The following PLEKHG1 variants were observed in gnomAD, a reference collection of about 807,000 sequenced individuals.
PLEKHG1 encodes pleckstrin homology domain-containing family G member 1.
PLEKHG1 carries 44 observed loss-of-function variants against 100.8 expected under a neutral mutation model. That is an observed-to-expected ratio of 0.44 (90% CI 0.34 to 0.56). PLEKHG1 has a LOEUF of 0.56. PLEKHG1 is among the 20% of genes least tolerant of loss of function. The pLI, the probability that PLEKHG1 is intolerant of heterozygous loss-of-function variation, is 0.01. For missense variants in PLEKHG1, 1,545 were observed against 1,720.9 expected (o/e 0.90, Z 1.81); for synonymous variants, 640 against 662.5 (o/e 0.97, Z 0.52).
chr6:150,685,120 A>G (rs1405647651), intron 3 of PLEKHG1, among the ~76,000 whole-genome samples: 1 of 152,020 alleles, frequency 6.6e-6, no homozygotes, highest in Non-Finnish European at 1.5e-5. Context: ...CCAATGAGTG[A>G]CACTGGGCCG....
intron 15 of PLEKHG1, among the ~76,000 whole-genome samples, chr6:150,832,499 C>T (rs985149794): frequency 2.0e-4 from 30 of 151,970 alleles, no homozygotes; most frequent in African/African-American, 7.0e-4. Context: ...GTATGAAAAA[C>T]GCAATCAGTT....
At chr6:150,833,227 T>C (rs1777052754) in intron 15 of PLEKHG1, among the ~76,000 whole-genome samples, 1 of 150,732 alleles carries the variant, frequency 6.6e-6, no homozygotes. Context: ...GTGTGTGTGG[T>C]TTTTTTGTAG....
chr6:150,793,445 C>G (rs1049727037), intron 4 of PLEKHG1, among the ~76,000 whole-genome samples: 1 of 152,156 alleles, frequency 6.6e-6, no homozygotes, highest in Admixed American at 6.5e-5. Context: ...CTTTCCCATA[C>G]AAATCATAAA....
At chr6:150,752,485 T>C (rs944980618) in intron 2 of PLEKHG1, among the ~76,000 whole-genome samples, 2 of 152,168 alleles carry the variant, frequency 1.3e-5, no homozygotes, top group African/African-American at 4.8e-5. Context: ...CCAGTCTACT[T>C]TCTGTCTCTC....
chr6:150,669,639 C>T (rs1325917536), intron 3 of PLEKHG1, among the ~76,000 whole-genome samples: 1 of 148,920 alleles, frequency 6.7e-6, no homozygotes, highest in African/African-American at 2.5e-5. Context: ...TCTTGTTGCC[C>T]AGGCTGGAGT....
chr6:150,753,779 G>T, intron 2 of PLEKHG1, among the ~76,000 whole-genome samples: 1 of 152,200 alleles, frequency 6.6e-6, no homozygotes, highest in East Asian at 1.9e-4. Flanking sequence ...TCAAGAGGTG[G>T]TGTTGTAAAA....
intron 3 of PLEKHG1, among the ~76,000 whole-genome samples, chr6:150,681,553 C>G (rs1334576855): frequency 6.6e-6 from 1 of 151,004 alleles, no homozygotes; most frequent in African/African-American, 2.4e-5. Flanking sequence ...TTTTATTTCC[C>G]TTCTTAAAAA....
intron 1 of PLEKHG1, among the ~76,000 whole-genome samples, chr6:150,610,814 G>A (rs1195276467): frequency 6.6e-6 from 1 of 152,246 alleles, no homozygotes; most frequent in Non-Finnish European, 1.5e-5. Context: ...GTGGGGCTCT[G>A]TAATATGTAT....
At chr6:150,827,176 T>G (rs1776656801) in intron 14 of PLEKHG1, among the ~76,000 whole-genome samples, 1 of 152,078 alleles carries the variant, frequency 6.6e-6, no homozygotes, top group Non-Finnish European at 1.5e-5. Flanking sequence ...ATTACAGACA[T>G]AAGCCACCGT....
At chr6:150,653,229 T>C (rs1301561877) in intron 3 of PLEKHG1, among the ~76,000 whole-genome samples, 1 of 152,162 alleles carries the variant, frequency 6.6e-6, no homozygotes, top group African/African-American at 2.4e-5. Flanking sequence ...AAAATGAACA[T>C]AGTAATAAGG....
chr6:150,838,429 C>T (rs1777344098), intron 15 of PLEKHG1, among the ~76,000 whole-genome samples: 1 of 152,188 alleles, frequency 6.6e-6, no homozygotes, highest in Admixed American at 6.5e-5. Context: ...AAAAGCTCAT[C>T]AGCTATCACT....
chr6:150,636,715 G>A (rs1395442910), intron 1 of PLEKHG1, among the ~76,000 whole-genome samples: 1 of 151,996 alleles, frequency 6.6e-6, no homozygotes, highest in East Asian at 1.9e-4. Flanking sequence ...AATATTCTCT[G>A]TTAGAAGTTA....
At chr6:150,746,783 G>A (rs1389894684) in intron 2 of PLEKHG1, among the ~76,000 whole-genome samples, 1 of 152,216 alleles carries the variant, frequency 6.6e-6, no homozygotes, top group African/African-American at 2.4e-5. Context: ...ACCTACATTT[G>A]TAGTTTCAGA....
intron 1 of PLEKHG1, among the ~76,000 whole-genome samples, chr6:150,630,810 G>T (rs963314556): frequency 1.3e-5 from 2 of 152,082 alleles, no homozygotes; most frequent in African/African-American, 4.8e-5. Flanking sequence ...TGATCTCAGG[G>T]CACCCCAGCA....
At chr6:150,677,744 G>A (rs545648756) in intron 3 of PLEKHG1, among the ~76,000 whole-genome samples, 2 of 151,940 alleles carry the variant, frequency 1.3e-5, no homozygotes, top group Non-Finnish European at 2.9e-5. Flanking sequence ...GGACACGGTG[G>A]TGCACACCTG....
intron 1 of PLEKHG1, among the ~76,000 whole-genome samples, chr6:150,605,101 A>G (rs1282641248): frequency 1.3e-5 from 2 of 152,172 alleles, no homozygotes; most frequent in African/African-American, 2.4e-5. Flanking sequence ...CTCCATCTCT[A>G]TGTTTGCACA....
chr6:150,640,647 C>G (rs932335129), intron 2 of PLEKHG1, among the ~76,000 whole-genome samples: 3 of 152,300 alleles, frequency 2.0e-5, no homozygotes, highest in Middle Eastern at 3.4e-3. Context: ...TCCTCTCAGG[C>G]CTTGTGTAAG....
At chr6:150,832,309 T>A in intron 15 of PLEKHG1, 104 bp downstream of exon 16, 1 of 890,792 alleles carries the variant, frequency 1.1e-6, no homozygotes, top group Non-Finnish European at 1.7e-6. Flanking sequence ...ACACTGACAC[T>A]CAAGCTTTGT....
rs933238128 is a variant in PLEKHG1, at chr6:150,602,036, G to C, written c.-204+2019G>C. Reference sequence around the variant, plus strand: ...TGGCAACATAATTTTTCAAAACCAAGAATAACCAGTCCTATGTTGTGTTCC... The same window carrying C: ...TGGCAACATAATTTTTCAAAACCAACAATAACCAGTCCTATGTTGTGTTCC... On this transcript the variant is annotated intron_variant, in intron 1 of 3. Coordinates refer to the PLEKHG1 transcript ENST00000367326. 1.8e-4 allele frequency among the ~76,000 whole-genome samples: 27 copies of C among 152,268 alleles called. No homozygotes were observed. In the East Asian group the frequency reaches 5.2e-3, roughly 29 times the overall value.
Sources: allele counts gnomAD v4.1 joint callset (sites outside exome capture counted in the v4.1 genomes callset), GRCh38; gene constraint gnomAD v4.1.1; transcripts MANE v1.5; gene names NCBI Gene and HGNC (gene_info 2026-07-23, HGNC 2026-07-21).